PRICKLE1: variants seen among roughly 807,000 people sequenced by gnomAD.
PRICKLE1 encodes the protein prickle planar cell polarity protein 1.
A neutral mutation model predicts 70.2 loss-of-function variants in PRICKLE1; 14 were observed. The ratio of observed to expected loss-of-function variants is 0.20; its 90% CI spans 0.13 to 0.31. The LOEUF is 0.31. Among genes scored for constraint, PRICKLE1 ranks in the 10% least tolerant of loss-of-function variants. The probability of loss-of-function intolerance (pLI) is 1.00; values close to 1 mark genes in which losing one functional copy is unlikely to be tolerated. For missense variants in PRICKLE1, 821 were observed against 1,026.2 expected, an observed-to-expected ratio of 0.80 and a Z score of 2.73; for synonymous variants, 357 against 379.9, an observed-to-expected ratio of 0.94 and a Z score of 0.70.
At position 42,470,340 on chromosome 12, in the gene PRICKLE1, C is replaced by T; in HGVS notation, c.152G>A (p.Cys51Tyr). ...GTAAGGAACTTTTTCCTCTGGTAAG[C>T]AAGCAAAATAGAGCTGGATCTGCAA... is the stretch of plus-strand genomic sequence containing the variant. ...RPEQIQLYFA[C>Y]LPEEKVPYVN... Residue 51 changes from cysteine to tyrosine, a missense_variant, in exon 3 of 8, where the codon TGC (cysteine) becomes TAC (tyrosine). Physicochemically the swap from Cys to Tyr is radical, Grantham distance 194 (BLOSUM62 -2). Coordinates refer to ENST00000345127, the MANE Select transcript of PRICKLE1 (RefSeq NM_153026.3). The T allele has an allele frequency of 6.2e-7, 1 of 1,612,846 alleles. No individual in the cohort carries two copies. The highest frequency in any genetic ancestry group is 1.1e-5 in the South Asian group (1 of 91,072).
At chr12:42,585,736 T>C (rs903800858) in intron 1 of PRICKLE1, among the ~76,000 whole-genome samples, 4 of 152,210 alleles carry the variant, frequency 2.6e-5, no homozygotes, top group Admixed American at 6.5e-5. Context: ...CAGGCTTTTT[T>C]CACTGCTCCA....
chr12:42,529,882 C>A (rs73277824), intron 1 of PRICKLE1, among the ~76,000 whole-genome samples: 20,483 of 151,416 alleles, frequency 0.14, 2,630 homozygotes, highest in African/African-American at 0.34. Flanking sequence ...CAGAGTGAGA[C>A]CTTATCAAAA....
intron 1 of PRICKLE1, among the ~76,000 whole-genome samples, chr12:42,544,060 G>T (rs1421343605): frequency 1.7e-5 from 2 of 121,040 alleles, no homozygotes; most frequent in Non-Finnish European, 3.7e-5. Context: ...AGGTTGAGAA[G>T]AAGGAAGAGA....
chr12:42,505,248 A>T (rs561620161), intron 1 of PRICKLE1, among the ~76,000 whole-genome samples: 13 of 152,354 alleles, frequency 8.5e-5, no homozygotes, highest in African/African-American at 2.9e-4. Flanking sequence ...CTGTGTGGGT[A>T]GATGGATCTG....
chr12:42,533,962 G>A (rs1167446001), intron 1 of PRICKLE1, among the ~76,000 whole-genome samples: 1 of 152,088 alleles, frequency 6.6e-6, no homozygotes, highest in Non-Finnish European at 1.5e-5. Context: ...TAGCTATTCT[G>A]ACATTCCTCA....
At chr12:42,585,295 ATCTC>A (rs1940969424) in intron 1 of PRICKLE1, among the ~76,000 whole-genome samples, 1 of 152,090 alleles carries the variant, frequency 6.6e-6, no homozygotes, top group African/African-American at 2.4e-5. Context: ...TATATGTAAA[ATCTC>A]TCTTTATAGG....
intron 1 of PRICKLE1, among the ~76,000 whole-genome samples, chr12:42,560,921 G>C (rs2120703426): frequency 6.6e-6 from 1 of 152,022 alleles, no homozygotes; most frequent in South Asian, 2.1e-4. Context: ...TCCTCAAAAA[G>C]AACAAAAATG....
In PRICKLE1 at chr12:42,491,095, G is replaced by T. The variant is rs978780326; in HGVS notation, c.-48-18531C>A. Among the ~76,000 whole-genome samples, 24 of 150,364 alleles carry T rather than the reference G, an allele frequency of 1.6e-4. No individual in the cohort carries two copies. In the Admixed American group the frequency reaches 1.6e-3, roughly 10 times the overall value. The stretch of plus-strand genomic sequence containing the variant: ...TCACCATGTTGGCCAGGCTGGTCTC[G>T]AACTCCTGACCTCAGGGGATCTGCC... On this transcript the variant is annotated intron_variant, in intron 1 of 7. Coordinates refer to ENST00000345127, the MANE Select transcript of PRICKLE1 (RefSeq NM_153026.3).
chr12:42,459,377 C>T lies in PRICKLE1; in HGVS notation c.*432G>A. 1 of 702,440 alleles carries T rather than the reference C, an allele frequency of 1.4e-6. No homozygotes were observed. Among genetic ancestry groups the T allele is most frequent in the South Asian group, 1.5e-5 (1 of 67,596 alleles). 43.5% of individuals were successfully genotyped at this position (702,440 alleles called of 1,614,324 possible). Reference sequence around the variant, plus strand: ...CACAGTGTTAGCTAGGTCATCGTGACAGGCATGCCTCACACCAAGACGGAC... The same window carrying T: ...CACAGTGTTAGCTAGGTCATCGTGATAGGCATGCCTCACACCAAGACGGAC... On this transcript the variant is annotated 3_prime_UTR_variant, in exon 8 of 8. Transcript: ENST00000345127.
At chr12:42,573,325 A>G (rs1940752879) in intron 1 of PRICKLE1, among the ~76,000 whole-genome samples, 1 of 152,150 alleles carries the variant, frequency 6.6e-6, no homozygotes, top group African/African-American at 2.4e-5. Flanking sequence ...AGTCCACATG[A>G]GACAATTCTG....
intron 1 of PRICKLE1, among the ~76,000 whole-genome samples, chr12:42,501,599 A>G (rs10785342): frequency 0.44 from 66,713 of 150,674 alleles, 14,857 homozygotes; most frequent in East Asian, 0.59. Flanking sequence ...CTTTCCAGTA[A>G]CCTTTAAAAT....
At chr12:42,542,565 C>A (rs926585683) in intron 1 of PRICKLE1, among the ~76,000 whole-genome samples, 5 of 152,030 alleles carry the variant, frequency 3.3e-5, no homozygotes, top group Admixed American at 3.3e-4. Flanking sequence ...GCAGAAGAAT[C>A]GTTTGAACCC....
At chr12:42,576,357 A>C (rs1267194947) in intron 1 of PRICKLE1, among the ~76,000 whole-genome samples, 1 of 152,200 alleles carries the variant, frequency 6.6e-6, no homozygotes, top group Non-Finnish European at 1.5e-5. Context: ...AACACTGTGA[A>C]CTGCTCCTAA....
Position 42,460,236 on chromosome 12 carries a change from A to G in PRICKLE1, c.2069T>C (p.Val690Ala). The change falls in exon 8 of 8, where the codon GTT (valine) becomes GCT (alanine). Residue 690 changes from valine to alanine, a missense_variant. Val to Ala is a moderately conservative substitution (Grantham distance 64). Coordinates refer to ENST00000345127, the MANE Select transcript of PRICKLE1 (RefSeq NM_153026.3). ...KSRSDNALNL[V>A]TERKYSPKDR... ...CTTGGGAGAGTATTTTCTTTCTGTAACAAGATTCAGGGCATTGTCGGAGCG... is the reference window on the plus strand; with the variant it reads ...CTTGGGAGAGTATTTTCTTTCTGTAGCAAGATTCAGGGCATTGTCGGAGCG... 1 of 1,613,990 alleles carries G rather than the reference A, an allele frequency of 6.2e-7. No homozygotes were observed.
chr12:42,570,511 G>A lies in PRICKLE1; in HGVS notation c.-49+18954C>T, dbSNP rs189575123. Among the ~76,000 whole-genome samples the A allele has an allele frequency of 1.1e-4, 17 of 152,274 alleles. No individual in the cohort carries two copies. In the East Asian group the frequency reaches 3.1e-3, roughly 28 times the overall value. ...CTTCAGTGGATTTCCAAATTCAAAT[G>A]TGCCTCTTAAAAGTAAAAATTCCTG... On this transcript the variant is annotated intron_variant, in intron 1 of 7. Coordinates refer to ENST00000345127, the MANE Select transcript of PRICKLE1 (RefSeq NM_153026.3).
At chr12:42,466,792 A>G (rs1400961217) in intron 5 of PRICKLE1, among the ~76,000 whole-genome samples, 1 of 151,484 alleles carries the variant, frequency 6.6e-6, no homozygotes, top group Non-Finnish European at 1.5e-5. Context: ...GACTCAACAC[A>G]GTTATAGCTA....
At chr12:42,550,347 A>G (rs1212184157) in intron 1 of PRICKLE1, 2 of 152,214 alleles carry the variant, frequency 1.3e-5, no homozygotes, top group Non-Finnish European at 2.9e-5. Context: ...GAAAGAAAGA[A>G]AAAATCTGTT....
At chr12:42,531,484 C>G (rs749542923) in intron 1 of PRICKLE1, among the ~76,000 whole-genome samples, 1 of 152,150 alleles carries the variant, frequency 6.6e-6, no homozygotes, top group Non-Finnish European at 1.5e-5. Flanking sequence ...TTTCCTCCAT[C>G]GTAGTATTAC....
At chr12:42,583,010 T>C (rs1487890156) in intron 1 of PRICKLE1, among the ~76,000 whole-genome samples, 4 of 151,850 alleles carry the variant, frequency 2.6e-5, no homozygotes, top group Non-Finnish European at 5.9e-5. Context: ...GAAGTATCAA[T>C]TGTAGTTAAC....
Sources: gnomAD v4.1 joint callset for allele counts (sites outside exome capture counted in the v4.1 genomes callset) on GRCh38, gnomAD v4.1.1 for gene constraint, MANE v1.5 for transcripts, NCBI Gene and HGNC (gene_info 2026-07-23, HGNC 2026-07-21) for gene names.